The following ZNF316 variants were observed in gnomAD, a reference collection of about 807,000 sequenced individuals.
ZNF316 encodes zinc finger protein 316.
A neutral mutation model predicts 75.6 loss-of-function variants in ZNF316; 23 were observed. That is an observed-to-expected ratio of 0.30 (90% CI 0.22 to 0.43). The LOEUF (loss-of-function observed/expected upper bound fraction) is 0.43. ZNF316 is among the 20% of genes least tolerant of loss of function. The pLI is 1.00. For synonymous variants in ZNF316, 827 were observed against 666.2 expected (o/e 1.24, Z -3.72); for missense variants, 1,266 against 1,409.4 (o/e 0.90, Z 1.63).
rs1455074284 is a variant in ZNF316 at position 6,656,800 on chromosome 7, C to G, written c.*2189C>G. Among the ~76,000 whole-genome samples the G allele has an allele frequency of 1.3e-5, 2 of 152,184 alleles. No individual in the cohort carries two copies. Among genetic ancestry groups the G allele is most frequent in the Admixed American group, 6.5e-5 (1 of 15,280 alleles). ...GCCCTTTCTTCAGAGGCCCCAGCACCATGTGGCTCATCCAGGGCTCACCTA... is the reference window on the plus strand; with the variant it reads ...GCCCTTTCTTCAGAGGCCCCAGCACGATGTGGCTCATCCAGGGCTCACCTA... On this transcript the variant is annotated 3_prime_UTR_variant, in exon 9 of 9. Transcript: ENST00000382252.
In ZNF316 at chr7:6,642,804, G is replaced by A. The variant is rs1263314373; in HGVS notation, c.355+40G>A. ...CAGCCTTGGGGAGGAGATGAAGGGGGCTGAGGTGGGCCAGGCCAGGGACCT... is the reference window on the plus strand; with the variant it reads ...CAGCCTTGGGGAGGAGATGAAGGGGACTGAGGTGGGCCAGGCCAGGGACCT... On this transcript the variant is annotated intron_variant, in intron 5 of 8. Coordinates refer to ENST00000382252, the MANE Select transcript of ZNF316 (RefSeq NM_001278559.2). This position sits in a 1 kb window ranked among gnomAD's most constrained non-coding sequence, Gnocchi z 8.1. The A allele has an allele frequency of 5.7e-6, 7 of 1,232,922 alleles. No homozygotes were observed. Among genetic ancestry groups the A allele is most frequent in the Non-Finnish European group, 6.1e-6 (6 of 988,596 alleles). 76.4% of individuals were successfully genotyped at this position (1,232,922 alleles called of 1,614,324 possible). A position where few individuals can be genotyped will look rare whatever the true frequency, so the allele number is the denominator to read the frequency against.
chr7:6,644,488 A>G lies in ZNF316; in HGVS notation c.601A>G (p.Ile201Val), dbSNP rs996913017. 8.1e-7 allele frequency: 1 copy of G among 1,232,216 alleles called. No individual in the cohort carries two copies. 76.3% of individuals were successfully genotyped at this position (1,232,216 alleles called of 1,614,324 possible). A position where few individuals can be genotyped will look rare whatever the true frequency, so the allele number is the denominator to read the frequency against. The change falls in exon 8 of 9, where the codon ATT (isoleucine) becomes GTT (valine). Residue 201 changes from isoleucine to valine, a missense_variant. Transcript: ENST00000382252. ...YGILVSLGYP[I>V]PKPDLIFRLE... ...GTCTGTTCTCCTGGCAGGATACCCA[A>G]TTCCCAAGCCCGATCTGATCTTCCG...
chr7:6,652,162 G>C, intron 8 of ZNF316, 141 bp from the exon 9 acceptor site: 3 of 784,352 alleles, frequency 3.8e-6, no homozygotes, highest in East Asian at 3.4e-5. Context: ...CTCACTTGGT[G>C]AAAGGAGGTG....
Position 6,642,482 on chromosome 7 carries a change from G to T in ZNF316, c.73G>T (p.Asp25Tyr), listed in dbSNP as rs765047520. 9 of 1,233,478 alleles carry T rather than the reference G, an allele frequency of 7.3e-6. No individual in the cohort carries two copies. Among genetic ancestry groups the T allele is most frequent in the Non-Finnish European group, 9.1e-6 (9 of 988,674 alleles). 76.4% of individuals were successfully genotyped at this position (1,233,478 alleles called of 1,614,324 possible). A position where few individuals can be genotyped will look rare whatever the true frequency, so the allele number is the denominator to read the frequency against. Residue 25 changes from aspartate to tyrosine, a missense_variant, in exon 5 of 9, where the codon GAC becomes TAC. Physicochemically the swap from Asp to Tyr is radical, Grantham distance 160. Coordinates refer to ENST00000382252, the MANE Select transcript of ZNF316 (RefSeq NM_001278559.2). The surrounding 1 kb of genome is among the most constrained non-coding windows in gnomAD (Gnocchi z 8.1). ...GCGGGCAGAGGACGGGTCAGAGTGC[G>T]ACCCTGACCAGGAAGAAGAGGAGGA... is the stretch of plus-strand genomic sequence containing the variant. Reference protein sequence around the residue: ...LERAEDGSECDPDQEEEEEEE... With the variant: ...LERAEDGSECYPDQEEEEEEE...
Position 6,653,373 on chromosome 7 carries a change from T to C in ZNF316, c.1777T>C (p.Ser593Pro), listed in dbSNP as rs1779551187. 6 of 1,226,146 alleles carry C rather than the reference T, an allele frequency of 4.9e-6. No individual in the cohort carries two copies. Among genetic ancestry groups the C allele is most frequent in the Non-Finnish European group, 6.1e-6 (6 of 984,930 alleles). The allele number at this position is 1,226,146 out of a possible 1,614,324, so 76.0% of individuals were successfully genotyped here. ...NGLGEGEGPSSHPLGFHFPVH... is the reference protein window; with the variant it reads ...NGLGEGEGPSPHPLGFHFPVH... ...CCTGGGGGAGGGCGAAGGCCCCTCCTCCCACCCGCTGGGCTTCCACTTCCC... is the reference window on the plus strand; with the variant it reads ...CCTGGGGGAGGGCGAAGGCCCCTCCCCCCACCCGCTGGGCTTCCACTTCCC... The change falls in exon 9 of 9, where the codon TCC (serine) becomes CCC (proline). Residue 593 changes from serine (S) to proline (P), a missense_variant. Transcript: ENST00000382252.
chr7:6,642,488 G>T lies in ZNF316; in HGVS notation c.79G>T (p.Asp27Tyr). 1 of 1,233,852 alleles carries T rather than the reference G, an allele frequency of 8.1e-7. No homozygotes were observed. The highest frequency in any genetic ancestry group is 4.1e-5 in the South Asian group (1 of 24,434). The allele number at this position is 1,233,852 out of a possible 1,614,324, so 76.4% of individuals were successfully genotyped here. ...RAEDGSECDP[D>Y]QEEEEEEEEK... Reference sequence around the variant, plus strand: ...AGAGGACGGGTCAGAGTGCGACCCTGACCAGGAAGAAGAGGAGGAGGAGGA... The same window carrying T: ...AGAGGACGGGTCAGAGTGCGACCCTTACCAGGAAGAAGAGGAGGAGGAGGA... The change falls in exon 5 of 9, where the codon GAC becomes TAC. Residue 27 changes from aspartate to tyrosine, a missense_variant. By Grantham distance (160) the Asp-to-Tyr change is radical. Transcript: ENST00000382252. This position sits in a 1 kb window ranked among gnomAD's most constrained non-coding sequence, Gnocchi z 8.1.
chr7:6,653,143 G>A lies in ZNF316; in HGVS notation c.1547G>A (p.Gly516Asp). ...GGGCAEAGGDGPRREPGETAA... is the reference protein window; with the variant it reads ...GGGCAEAGGDDPRREPGETAA... ...GGCTGCGCGGAGGCGGGTGGTGACG[G>A]CCCCCGGCGGGAGCCCGGCGAGACG... Residue 516 changes from glycine (G) to aspartate (D), a missense_variant, in exon 9 of 9, where the codon GGC becomes GAC. This residue lies in a region of ZNF316 where 961 missense variants were observed against 990.9 expected (regional missense o/e 0.97). Transcript: ENST00000382252. 1 of 1,174,980 alleles carries A rather than the reference G, an allele frequency of 8.5e-7. No homozygotes were observed. Among genetic ancestry groups the A allele is most frequent in the Non-Finnish European group, 1.1e-6 (1 of 951,952 alleles). 72.8% of individuals were successfully genotyped at this position (1,174,980 alleles called of 1,614,324 possible).
At chr7:6,647,806 C>CACACAT (rs1779434490) in intron 8 of ZNF316, among the ~76,000 whole-genome samples, 1 of 152,182 alleles carries the variant, frequency 6.6e-6, no homozygotes, top group Non-Finnish European at 1.5e-5. Context: ...GAGCAGCATC[C>CACACAT]CTCAGTGATG....
At position 6,654,805 on chromosome 7, in the gene ZNF316, C is replaced by T. The variant is rs555693115; in HGVS notation, c.*194C>T. 10 of 402,196 alleles carry T rather than the reference C, an allele frequency of 2.5e-5. No homozygotes were observed. Among genetic ancestry groups the T allele is most frequent in the South Asian group, 2.5e-4 (2 of 8,024 alleles). The allele number at this position is 402,196 out of a possible 1,614,324, so 24.9% of individuals were successfully genotyped here. A position where few individuals can be genotyped will look rare whatever the true frequency, so the allele number is the denominator to read the frequency against. On this transcript the variant is annotated 3_prime_UTR_variant, in exon 9 of 9. Coordinates refer to ENST00000382252, the MANE Select transcript of ZNF316 (RefSeq NM_001278559.2). The stretch of plus-strand genomic sequence containing the variant: ...GTGCTCAGCCGGAGACGTGGGGGAG[C>T]TCTGGGGAGAAGAGCAGCGCGGAGG...
chr7:6,654,740 C>T lies in ZNF316; in HGVS notation c.*129C>T, dbSNP rs1270051820. ...CTGGGTGCGGTGCCTTCCCTCAGCC[C>T]TCGCCCTGCGGCCCCGGGTCTCATG... On this transcript the variant is annotated 3_prime_UTR_variant, in exon 9 of 9. Coordinates refer to ENST00000382252, the MANE Select transcript of ZNF316 (RefSeq NM_001278559.2). 2 of 844,210 alleles carry T rather than the reference C, an allele frequency of 2.4e-6. No individual in the cohort carries two copies. The highest frequency in any genetic ancestry group is 3.0e-6 in the Non-Finnish European group (2 of 663,094). The allele number at this position is 844,210 out of a possible 1,614,324, so 52.3% of individuals were successfully genotyped here. A position where few individuals can be genotyped will look rare whatever the true frequency, so the allele number is the denominator to read the frequency against.
In ZNF316 at chr7:6,642,387, G is replaced by T. The variant is rs987402864; in HGVS notation, c.-23G>T. The T allele has an allele frequency of 4.1e-6, 5 of 1,231,102 alleles. No homozygotes were observed. The highest frequency in any genetic ancestry group is 3.2e-5 in the East Asian group (1 of 31,690). The allele number at this position is 1,231,102 out of a possible 1,614,324, so 76.3% of individuals were successfully genotyped here. A position where few individuals can be genotyped will look rare whatever the true frequency, so the allele number is the denominator to read the frequency against. On this transcript the variant is annotated 5_prime_UTR_variant, in exon 5 of 9. Transcript: ENST00000382252. This position sits in a 1 kb window ranked among gnomAD's most constrained non-coding sequence, Gnocchi z 8.1. ...GGCGTCCATCTGCATTTCAGGCCAC[G>T]TGGAGGCTCGCTCCCAGGGAGGATG...
rs1779285003 is a variant in ZNF316 at position 6,640,050 on chromosome 7, G to A, written c.-167+909G>A. ...CTGGAGCCAGTCAGGGGGCACGTGT[G>A]ACCTTCGGGACAGAGGTGGCTTCTG... is the stretch of plus-strand genomic sequence containing the variant. On this transcript the variant is annotated intron_variant, in intron 3 of 8. Transcript: ENST00000382252. This position sits in a 1 kb window ranked among gnomAD's most constrained non-coding sequence, Gnocchi z 5.1. Among the ~76,000 whole-genome samples, 1 of 152,178 alleles carries A rather than the reference G, an allele frequency of 6.6e-6. No homozygotes were observed. The highest frequency in any genetic ancestry group is 1.5e-5 in the Non-Finnish European group (1 of 68,036).
rs1483682046 is a variant in ZNF316 at position 6,638,028 on chromosome 7, C to T, written c.-267+19C>T. 1.3e-5 allele frequency: 2 copies of T among 152,224 alleles called. No homozygotes were observed. Among genetic ancestry groups the T allele is most frequent in the Admixed American group, 1.3e-4 (2 of 15,282 alleles). 9.4% of individuals were successfully genotyped at this position (152,224 alleles called of 1,614,324 possible). On this transcript the variant is annotated intron_variant, in intron 2 of 8. Transcript: ENST00000382252. ...CCGGCAGGTAGGTAGGGACACCCAT[C>T]CCTGGGATTGGATGGGGTCTGGGCT...
intron 6 of ZNF316, among the ~76,000 whole-genome samples, chr7:6,643,603 C>T (rs983427025): frequency 2.5e-4 from 38 of 152,198 alleles, no homozygotes; most frequent in African/African-American, 8.4e-4. Flanking sequence ...CTCTGCCCTA[C>T]GAGCTGGGTC....
Position 6,655,855 on chromosome 7 carries a change from T to G in ZNF316, c.*1244T>G, listed in dbSNP as rs1253728880. On this transcript the variant is annotated 3_prime_UTR_variant, in exon 9 of 9. Transcript: ENST00000382252. ...CCAACTATGCAAGGCCCCTGCCTGG[T>G]GGGCATCCTACCCTCTGGACTGGGC... 6.6e-6 allele frequency: 1 copy of G among 152,236 alleles called. No individual in the cohort carries two copies. The highest frequency in any genetic ancestry group is 2.4e-5 in the African/African-American group (1 of 41,444). The allele number at this position is 152,236 out of a possible 1,614,324, so 9.4% of individuals were successfully genotyped here.
chr7:6,647,157 C>T (rs923338101), intron 8 of ZNF316, among the ~76,000 whole-genome samples: 5 of 151,968 alleles, frequency 3.3e-5, no homozygotes, highest in Admixed American at 3.3e-4. Context: ...TGTCTTTCCA[C>T]CCTCCGAGAT....
chr7:6,652,660 C>T lies in ZNF316; in HGVS notation c.1064C>T (p.Pro355Leu). 4 of 1,231,944 alleles carry T rather than the reference C, an allele frequency of 3.2e-6. No individual in the cohort carries two copies. The highest frequency in any genetic ancestry group is 1.6e-5 in the African/African-American group (1 of 64,444). 76.3% of individuals were successfully genotyped at this position (1,231,944 alleles called of 1,614,324 possible). ...TGCGACGTGTGCGGCAAGGTCTTCCCGCACCGCTCGCGGCTGGCCAAGCAC... is the reference window on the plus strand; with the variant it reads ...TGCGACGTGTGCGGCAAGGTCTTCCTGCACCGCTCGCGGCTGGCCAAGCAC... ...TTCDVCGKVF[P>L]HRSRLAKHQR... Residue 355 changes from proline to leucine, a missense_variant, in exon 9 of 9, where the codon CCG becomes CTG. Physicochemically the swap from Pro to Leu is moderately conservative, Grantham distance 98. Coordinates refer to ENST00000382252, the MANE Select transcript of ZNF316 (RefSeq NM_001278559.2).
Position 6,639,421 on chromosome 7 carries a change from TGTG to T in ZNF316, c.-167+284_-167+286del, listed in dbSNP as rs1779275615. Reference sequence around the variant, plus strand: ...CAGTCTCATAAGTGTATTTTTAAGATGTGGTGAGTGCTGTGAGGGAAGAATTAC... The same window carrying T: ...CAGTCTCATAAGTGTATTTTTAAGATGTGAGTGCTGTGAGGGAAGAATTAC... On this transcript the variant is annotated intron_variant, in intron 3 of 8. Transcript: ENST00000382252. This position sits in a 1 kb window ranked among gnomAD's most constrained non-coding sequence, Gnocchi z 4.2. Among the ~76,000 whole-genome samples, 1 of 152,130 alleles carries T rather than the reference TGTG, an allele frequency of 6.6e-6. No individual in the cohort carries two copies. Among genetic ancestry groups the T allele is most frequent in the Admixed American group, 6.6e-5 (1 of 15,262 alleles).
At position 6,654,182 on chromosome 7, in the gene ZNF316, C is replaced by G. The variant is rs889429406; in HGVS notation, c.2586C>G (p.Ala862=). ...THTGEKPFRC[A]DCGRGFAQRS... The stretch of plus-strand genomic sequence containing the variant: ...CGGGCGAGAAGCCCTTCCGCTGCGC[C>G]GACTGCGGCCGCGGCTTCGCGCAGC... Residue 862 remains alanine, a synonymous_variant, in exon 9 of 9, where the codon GCC becomes GCG. Coordinates refer to ENST00000382252, the MANE Select transcript of ZNF316 (RefSeq NM_001278559.2). The G allele has an allele frequency of 2.0e-5, 24 of 1,223,002 alleles. No individual in the cohort carries two copies. The highest frequency in any genetic ancestry group is 2.4e-5 in the Non-Finnish European group (24 of 981,624). 75.8% of individuals were successfully genotyped at this position (1,223,002 alleles called of 1,614,324 possible). A position where few individuals can be genotyped will look rare whatever the true frequency, so the allele number is the denominator to read the frequency against.
Sources: allele counts gnomAD v4.1 joint callset (sites outside exome capture counted in the v4.1 genomes callset), GRCh38; gene constraint gnomAD v4.1.1; regional missense constraint gnomAD v4.1.1; non-coding constraint Gnocchi (gnomAD v3.1); transcripts MANE v1.5; gene names NCBI Gene and HGNC (gene_info 2026-07-23, HGNC 2026-07-21).